The following DENND1B variants were observed in gnomAD, a reference collection of about 807,000 sequenced individuals.
DENND1B encodes the protein DENN domain-containing protein 1B.
A neutral mutation model predicts 90.1 loss-of-function variants in DENND1B; 59 were observed. That is an observed-to-expected ratio of 0.65 (90% confidence interval 0.53 to 0.81). The LOEUF (loss-of-function observed/expected upper bound fraction) is 0.81, where lower values mean the gene tolerates loss of function less well. DENND1B is among the 40% of genes least tolerant of loss of function. DENND1B has a pLI of 0.00. For missense variants in DENND1B, 862 were observed against 912.6 expected, an observed-to-expected ratio of 0.94 and a Z score of 0.71; for synonymous variants, 337 against 324.6, an observed-to-expected ratio of 1.04 and a Z score of -0.41.
At chr1:197,590,788 C>G (rs1344396880) in intron 14 of DENND1B, among the ~76,000 whole-genome samples, 1 of 152,160 alleles carries the variant, frequency 6.6e-6, no homozygotes, top group African/African-American at 2.4e-5. Flanking sequence ...TTCCTAAGGT[C>G]TTTGAGATTT....
At position 197,540,046 on chromosome 1, in the gene DENND1B, C is replaced by T. The variant is rs1442067382; in HGVS notation, c.1433G>A (p.Cys478Tyr). 1 of 1,611,032 alleles carries T rather than the reference C, an allele frequency of 6.2e-7. No homozygotes were observed. Among genetic ancestry groups the T allele is most frequent in the East Asian group, 2.2e-5 (1 of 44,704 alleles). ...TGGTGTATATTGTACAGAACTAGAA[C>T]AGGTCCCATAATCTTCTTCATTTTC... ...HKENEEDYGTCSSSVQYTPVY... is the reference protein window; with the variant it reads ...HKENEEDYGTYSSSVQYTPVY... Residue 478 changes from cysteine (C) to tyrosine (Y), a missense_variant, in exon 20 of 23, where the codon TGT becomes TAT. Cys to Tyr is a radical substitution (Grantham distance 194). Transcript: ENST00000620048.
chr1:197,679,485 T>G (rs964140251), intron 3 of DENND1B, among the ~76,000 whole-genome samples: 12 of 151,904 alleles, frequency 7.9e-5, no homozygotes, highest in Admixed American at 6.6e-4. Flanking sequence ...TGTGCATAGT[T>G]ACATGCAAAA....
chr1:197,511,091 T>C (rs983342466), intron 22 of DENND1B, 119 bp from the exon 23 acceptor site: 3 of 1,064,378 alleles, frequency 2.8e-6, no homozygotes, highest in Non-Finnish European at 3.8e-6. Flanking sequence ...AAATACAGCA[T>C]TGAGAGTCAA....
At chr1:197,597,588 C>A (rs1011091593) in intron 13 of DENND1B, among the ~76,000 whole-genome samples, 1 of 151,788 alleles carries the variant, frequency 6.6e-6, no homozygotes, top group Non-Finnish European at 1.5e-5. Flanking sequence ...AGAATACAGG[C>A]AAGTCAAGCC....
rs1298025403 is a variant in DENND1B, at chr1:197,508,403, T to C, written c.*2057A>G. 2 of 151,804 alleles carry C rather than the reference T, an allele frequency of 1.3e-5. No individual in the cohort carries two copies. Among genetic ancestry groups the C allele is most frequent in the East Asian group, 3.9e-4 (2 of 5,136 alleles). The allele number at this position is 151,804 out of a possible 1,614,324, so 9.4% of individuals were successfully genotyped here. A position where few individuals can be genotyped will look rare whatever the true frequency, so the allele number is the denominator to read the frequency against. Reference sequence around the variant, plus strand: ...TGTAATAAGCTTATAAAGGCAAAATTTGACAAGAACCTTGAGACTTCTGTA... The same window carrying C: ...TGTAATAAGCTTATAAAGGCAAAATCTGACAAGAACCTTGAGACTTCTGTA... On this transcript the variant is annotated 3_prime_UTR_variant, in exon 23 of 23. Transcript: ENST00000620048.
At chr1:197,561,348 G>A (rs1409081802) in intron 15 of DENND1B, among the ~76,000 whole-genome samples, 1 of 151,890 alleles carries the variant, frequency 6.6e-6, no homozygotes, top group African/African-American at 2.4e-5. Flanking sequence ...GCATTTGACA[G>A]TGTTGATCCC....
At chr1:197,751,995 A>T (rs200191790) in intron 2 of DENND1B, among the ~76,000 whole-genome samples, 6 of 135,722 alleles carry the variant, frequency 4.4e-5, no homozygotes, top group African/African-American at 1.3e-4. Context: ...GAAGAAGAAG[A>T]AGTAGAAGGA....
At chr1:197,729,398 T>C (rs929991572) in intron 2 of DENND1B, among the ~76,000 whole-genome samples, 10 of 152,172 alleles carry the variant, frequency 6.6e-5, no homozygotes, top group African/African-American at 2.4e-4. Context: ...TATTTTAATG[T>C]GCTTATTTTA....
rs573843251 is a variant in DENND1B, at chr1:197,732,997, C to T, written c.83-17923G>A. On this transcript the variant is annotated intron_variant, in intron 2 of 22. Transcript: ENST00000620048. ...ATTGGAAAGAGTCTTAATTATGTAC[C>T]GCAGATATGCAGTGTCCTACTTCTT... 9.2e-5 allele frequency among the ~76,000 whole-genome samples: 14 copies of T among 152,076 alleles called. No individual in the cohort carries two copies. In the South Asian group the frequency reaches 1.0e-3, roughly 11 times the overall value.
intron 2 of DENND1B, among the ~76,000 whole-genome samples, chr1:197,737,432 A>G (rs1747819): frequency 0.029 from 4,414 of 152,290 alleles, 226 homozygotes; most frequent in African/African-American, 0.1. Context: ...TCACATACTG[A>G]CAAACACTGA....
intron 18 of DENND1B, among the ~76,000 whole-genome samples, chr1:197,541,733 T>C (rs1267651902): frequency 2.0e-5 from 3 of 152,340 alleles, no homozygotes; most frequent in Non-Finnish European, 4.4e-5. Flanking sequence ...TTTATTTTGT[T>C]TCCTAAATAT....
intron 6 of DENND1B, among the ~76,000 whole-genome samples, chr1:197,655,676 C>T (rs937359823): frequency 6.6e-6 from 1 of 152,144 alleles, no homozygotes; most frequent in South Asian, 2.1e-4. Context: ...GGACTACAGG[C>T]GCCCGCCACC....
chr1:197,707,626 AATAC>A (rs1198880218), intron 3 of DENND1B, among the ~76,000 whole-genome samples: 1 of 147,352 alleles, frequency 6.8e-6, no homozygotes, highest in Non-Finnish European at 1.5e-5. Context: ...TATATAATAT[AATAC>A]ATATATTATA....
chr1:197,607,051 A>T (rs1271679360), intron 13 of DENND1B, 22 bp downstream of exon 13: 1 of 1,544,184 alleles, frequency 6.5e-7, no homozygotes, highest in Admixed American at 1.7e-5. Flanking sequence ...TATGTTCACC[A>T]CTGAATAGCC....
At chr1:197,561,307 C>T (rs1050508176) in intron 15 of DENND1B, among the ~76,000 whole-genome samples, 1 of 151,862 alleles carries the variant, frequency 6.6e-6, no homozygotes, top group Admixed American at 6.6e-5. Context: ...GTAATCAATG[C>T]TAGGTCCTTG....
intron 10 of DENND1B, among the ~76,000 whole-genome samples, chr1:197,641,205 T>A (rs1454273003): frequency 6.6e-6 from 1 of 152,184 alleles, no homozygotes; most frequent in Admixed American, 6.5e-5. Context: ...AAAATTTAGT[T>A]CCAAAGCCTA....
intron 2 of DENND1B, among the ~76,000 whole-genome samples, chr1:197,772,239 T>A (rs546946448): frequency 6.6e-6 from 1 of 152,176 alleles, no homozygotes; most frequent in African/African-American, 2.4e-5. Flanking sequence ...TGAAAGAAAA[T>A]GAAAAGATTC....
intron 12 of DENND1B, among the ~76,000 whole-genome samples, chr1:197,608,867 C>T (rs1482888037): frequency 2.0e-5 from 3 of 149,884 alleles, no homozygotes; most frequent in Non-Finnish European, 4.5e-5. Context: ...AGGGACCACT[C>T]GAAAAAGAAT....
chr1:197,592,187 G>A (rs368949346), intron 14 of DENND1B, among the ~76,000 whole-genome samples: 1 of 150,734 alleles, frequency 6.6e-6, no homozygotes. Context: ...GAGCAAGAGA[G>A]GGACCGTGAA....
Sources: allele counts gnomAD v4.1 joint callset (sites outside exome capture counted in the v4.1 genomes callset), GRCh38; gene constraint gnomAD v4.1.1; transcripts MANE v1.5; gene names NCBI Gene and HGNC (gene_info 2026-07-23, HGNC 2026-07-21).